RDH12: variants seen among roughly 807,000 people sequenced by gnomAD.
RDH12 encodes the protein retinol dehydrogenase 12.
In RDH12, 21 loss-of-function variants were observed where a neutral mutation model predicts 34.0. The observed-to-expected ratio is 0.62, with a 90% CI of 0.44 to 0.89. The LOEUF (loss-of-function observed/expected upper bound fraction) is 0.89, where lower values mean the gene tolerates loss of function less well. Among genes scored for constraint, RDH12 ranks in the 40% least tolerant of loss-of-function variants. RDH12 has a pLI of 0.00. For synonymous variants in RDH12, 198 were observed against 169.9 expected (o/e 1.17, Z -1.29); for missense variants, 394 against 398.6 (o/e 0.99, Z 0.10).
At chr14:67,726,753 T>C (rs1472261461) in intron 6 of RDH12, among the ~76,000 whole-genome samples, 3 of 152,128 alleles carry the variant, frequency 2.0e-5, no homozygotes, top group African/African-American at 4.8e-5. Flanking sequence ...AGGGCAGAGG[T>C]ACAAAGTAAT....
At chr14:67,708,494 G>A (rs1429069280) in intron 1 of RDH12, among the ~76,000 whole-genome samples, 1 of 152,080 alleles carries the variant, frequency 6.6e-6, no homozygotes, top group Non-Finnish European at 1.5e-5. Flanking sequence ...AATTGTCTGT[G>A]GATGATGAAA....
intron 1 of RDH12, among the ~76,000 whole-genome samples, chr14:67,715,402 A>G (rs2038058102): frequency 6.6e-6 from 1 of 152,234 alleles, no homozygotes; most frequent in Non-Finnish European, 1.5e-5. Context: ...TCTAAGAGGC[A>G]TTTCTTTATC....
At chr14:67,711,468 G>A (rs1388903487) in intron 1 of RDH12, among the ~76,000 whole-genome samples, 1 of 152,086 alleles carries the variant, frequency 6.6e-6, no homozygotes, top group East Asian at 1.9e-4. Context: ...CTTGAAAAAG[G>A]ATTTGACTAG....
intron 1 of RDH12, among the ~76,000 whole-genome samples, chr14:67,711,987 T>C (rs187850923): frequency 8.9e-4 from 136 of 152,314 alleles, no homozygotes; most frequent in Non-Finnish European, 1.4e-3. Flanking sequence ...TGGTGCGATC[T>C]AGGCTCACTG....
intron 1 of RDH12, among the ~76,000 whole-genome samples, chr14:67,711,214 T>C (rs1335650384): frequency 6.6e-6 from 1 of 152,234 alleles, no homozygotes; most frequent in African/African-American, 2.4e-5. Context: ...CCAATATCAA[T>C]GTCTTATTTA....
At chr14:67,705,133 T>C (rs984321915) in intron 1 of RDH12, among the ~76,000 whole-genome samples, 1 of 152,224 alleles carries the variant, frequency 6.6e-6, no homozygotes, top group Non-Finnish European at 1.5e-5. Flanking sequence ...TAAAGCTGGG[T>C]GTATTCCAAA....
intron 8 of RDH12, 25 bp from the exon 9 acceptor site, chr14:67,733,714 CCTGGAAT>C: frequency 7.0e-7 from 1 of 1,438,168 alleles, no homozygotes; most frequent in South Asian, 1.1e-5. Context: ...AATTCTCATT[CCTGGAAT>C]TTACTGTCTT....
chr14:67,720,497 T>C (rs977892881), intron 1 of RDH12, among the ~76,000 whole-genome samples: 1 of 152,236 alleles, frequency 6.6e-6, no homozygotes, highest in Non-Finnish European at 1.5e-5. Context: ...CTTTGAGGTA[T>C]TCGAATTTTG....
chr14:67,730,151 C>A (rs760238662), intron 8 of RDH12, among the ~76,000 whole-genome samples: 1 of 152,126 alleles, frequency 6.6e-6, no homozygotes, highest in Non-Finnish European at 1.5e-5. Context: ...CACAACCCTG[C>A]GAGGCAGGTA....
chr14:67,728,621 G>A (rs980157035), intron 7 of RDH12, among the ~76,000 whole-genome samples: 1 of 150,334 alleles, frequency 6.7e-6, no homozygotes, highest in African/African-American at 2.5e-5. Flanking sequence ...AGAATTAAAT[G>A]AAATAATACA....
At chr14:67,703,187 A>T (rs2037918489) in intron 1 of RDH12, among the ~76,000 whole-genome samples, 1 of 152,216 alleles carries the variant, frequency 6.6e-6, no homozygotes, top group African/African-American at 2.4e-5. Flanking sequence ...TATAAAAGAT[A>T]GTTGGATCTA....
intron 4 of RDH12, 30 bp from the exon 5 acceptor site, chr14:67,725,069 C>A: frequency 1.2e-6 from 2 of 1,613,604 alleles, no homozygotes; most frequent in Non-Finnish European, 1.7e-6. Context: ...AGGATATGAA[C>A]ATACTGCTCT....
chr14:67,709,265 A>C (rs2085692436), intron 1 of RDH12, among the ~76,000 whole-genome samples: 1 of 152,236 alleles, frequency 6.6e-6, no homozygotes, highest in African/African-American at 2.4e-5. Context: ...GGATTTCCCC[A>C]AAAAAGGTGA....
rs770465995 is a variant in RDH12, at chr14:67,729,290, C to A, written c.758C>A (p.Pro253His). Reference sequence around the variant, plus strand: ...TGCCTGCTCTGGCGGCTCTTCTCCCCCTTTGTCAAGACGGCACGGGAGGGG... The same window carrying A: ...TGCCTGCTCTGGCGGCTCTTCTCCCACTTTGTCAAGACGGCACGGGAGGGG... ...LLCLLWRLFS[P>H]FVKTAREGAQ... Residue 253 changes from proline (P) to histidine (H), a missense_variant, in exon 8 of 9, where the codon CCC becomes CAC. Physicochemically the swap from Pro to His is moderately conservative, Grantham distance 77. Transcript: ENST00000551171. 5.6e-6 allele frequency: 9 copies of A among 1,604,512 alleles called. No homozygotes were observed. Among genetic ancestry groups the A allele is most frequent in the Admixed American group, 1.7e-5 (1 of 60,018 alleles).
intron 5 of RDH12, 60 bp downstream of exon 5, chr14:67,725,314 C>T (rs1393085624): frequency 6.5e-7 from 1 of 1,549,824 alleles, no homozygotes; most frequent in Non-Finnish European, 8.9e-7. Flanking sequence ...GGCTGCTCCA[C>T]CCTAGACCAT....
At chr14:67,716,053 C>T (rs1034784288) in intron 1 of RDH12, among the ~76,000 whole-genome samples, 1 of 151,926 alleles carries the variant, frequency 6.6e-6, no homozygotes, top group African/African-American at 2.4e-5. Context: ...AAAAATTAGC[C>T]GGGGGTGGTA....
In RDH12 at chr14:67,729,315, G is replaced by A; in HGVS notation, c.783G>A (p.Gly261=). The change falls in exon 8 of 9, where the codon GGG becomes GGA. Residue 261 remains glycine (G), a synonymous_variant. Coordinates refer to ENST00000551171, the MANE Select transcript of RDH12 (RefSeq NM_152443.3). The part of the protein sequence containing the change: ...FSPFVKTARE[G]AQTSLHCALA... ...CCTTTGTCAAGACGGCACGGGAGGG[G>A]GCGCAGACCAGCCTGCACTGCGCCC... The A allele has an allele frequency of 6.2e-7, 1 of 1,600,770 alleles. No individual in the cohort carries two copies. Among genetic ancestry groups the A allele is most frequent in the Non-Finnish European group, 8.5e-7 (1 of 1,179,890 alleles).
intron 1 of RDH12, among the ~76,000 whole-genome samples, chr14:67,713,397 CAAAAAAAAAAAAAA>C (rs71129850): frequency 1.9e-4 from 9 of 47,632 alleles, no homozygotes; most frequent in Admixed American, 2.4e-4. Context: ...AGTAAAACTC[CAAAAAAAAAAAAAA>C]AAAAAAAAAA....
intron 8 of RDH12, among the ~76,000 whole-genome samples, chr14:67,733,102 C>T (rs2038306372): frequency 6.6e-6 from 1 of 150,544 alleles, no homozygotes; most frequent in African/African-American, 2.4e-5. Context: ...GCACATGTAC[C>T]CTAAAACTTA....
Sources: allele counts gnomAD v4.1 joint callset (sites outside exome capture counted in the v4.1 genomes callset), GRCh38; gene constraint gnomAD v4.1.1; transcripts MANE v1.5; gene names NCBI Gene and HGNC (gene_info 2026-07-23, HGNC 2026-07-21).